ABCA13: variants seen among roughly 807,000 people sequenced by gnomAD.
ABCA13 encodes the protein ATP binding cassette subfamily A member 13.
Under a neutral mutation model 478.7 loss-of-function variants are expected in ABCA13, and 476 were observed. The observed-to-expected ratio is 0.99, with a 90% CI of 0.92 to 1.07. The LOEUF (loss-of-function observed/expected upper bound fraction) is 1.07, where lower values mean the gene tolerates loss of function less well. Among genes scored for constraint, ABCA13 ranks in the 50% least tolerant of loss-of-function variants. The pLI is 0.00. For missense variants in ABCA13, 6,060 were observed against 5,910.6 expected (o/e 1.03, Z -0.83); for synonymous variants, 2,252 against 2,158.9 (o/e 1.04, Z -1.20).
At chr7:48,632,827 G>C (rs181390720) in intron 59 of ABCA13, among the ~76,000 whole-genome samples, 8 of 152,132 alleles carry the variant, frequency 5.3e-5, no homozygotes, top group African/African-American at 1.9e-4. Context: ...TTTTCAAATC[G>C]TGTTTTCAAT....
At chr7:48,256,754 C>A (rs1373059728) in intron 15 of ABCA13, among the ~76,000 whole-genome samples, 1 of 152,102 alleles carries the variant, frequency 6.6e-6, no homozygotes, top group Non-Finnish European at 1.5e-5. Flanking sequence ...GTAATGTAAT[C>A]CCTACAGCAT....
intron 42 of ABCA13, among the ~76,000 whole-genome samples, chr7:48,442,916 T>C (rs1823822327): frequency 6.6e-6 from 1 of 152,352 alleles, no homozygotes; most frequent in South Asian, 2.1e-4. Context: ...CGGACTGAAC[T>C]GTGTTCCCTG....
chr7:48,524,888 G>C (rs1014733741), intron 54 of ABCA13, among the ~76,000 whole-genome samples: 5 of 152,118 alleles, frequency 3.3e-5, no homozygotes, highest in Non-Finnish European at 7.3e-5. Context: ...TTTGTTCACA[G>C]GTAAGACATT....
intron 27 of ABCA13, among the ~76,000 whole-genome samples, chr7:48,332,997 T>G (rs1440795486): frequency 5.9e-5 from 9 of 152,186 alleles, no homozygotes; most frequent in Non-Finnish European, 1.3e-4. Context: ...TTTTAGGAAG[T>G]TTTTCAGCCA....
At chr7:48,330,792 T>C (rs1805272492) in intron 27 of ABCA13, among the ~76,000 whole-genome samples, 1 of 152,220 alleles carries the variant, frequency 6.6e-6, no homozygotes, top group African/African-American at 2.4e-5. Flanking sequence ...TATACATTAA[T>C]CCATTTATTC....
chr7:48,643,166 A>G lies in ABCA13; in HGVS notation c.14838-122A>G, dbSNP rs1795220906. The G allele has an allele frequency of 2.5e-5, 16 of 637,652 alleles. 1 individual carries two copies. The South Asian group carries it at 3.9e-4, about 15-fold the overall frequency. The allele number at this position is 637,652 out of a possible 1,614,324, so 39.5% of individuals were successfully genotyped here. ...TTTCTGTGTCTTATATTGAGAATCC[A>G]AACTCCCAACAATTTGGAGTAATTA... On this transcript the variant is annotated intron_variant, in intron 59 of 61. Coordinates refer to ENST00000435803, the MANE Select transcript of ABCA13 (RefSeq NM_152701.5).
chr7:48,421,828 C>T (rs933041833), intron 41 of ABCA13, among the ~76,000 whole-genome samples: 4 of 152,050 alleles, frequency 2.6e-5, no homozygotes, highest in African/African-American at 9.7e-5. Context: ...ACACAGCATT[C>T]ATTTAGTGTT....
intron 3 of ABCA13, among the ~76,000 whole-genome samples, chr7:48,208,052 GTTC>G (rs1478193139): frequency 6.6e-6 from 1 of 151,994 alleles, no homozygotes; most frequent in Non-Finnish European, 1.5e-5. Flanking sequence ...TGAAGAGACT[GTTC>G]TTTCCTCATT....
At position 48,430,703 on chromosome 7, in the gene ABCA13, G is replaced by A. The variant is rs930158999; in HGVS notation, c.12565+2832G>A. 1.2e-4 allele frequency among the ~76,000 whole-genome samples: 18 copies of A among 144,918 alleles called. No homozygotes were observed. In the East Asian group the frequency reaches 3.3e-3, roughly 27 times the overall value. On this transcript the variant is annotated intron_variant, in intron 42 of 61. Coordinates refer to ENST00000435803, the MANE Select transcript of ABCA13 (RefSeq NM_152701.5). ...AAAAAAAAAAAAAGCCTGTAGTGATGTTTCACCTTTCATTTCCACTTCTAA... is the reference window on the plus strand; with the variant it reads ...AAAAAAAAAAAAAGCCTGTAGTGATATTTCACCTTTCATTTCCACTTCTAA...
chr7:48,347,138 A>G (rs996888976), intron 29 of ABCA13, among the ~76,000 whole-genome samples: 4 of 152,158 alleles, frequency 2.6e-5, no homozygotes, highest in African/African-American at 9.7e-5. Flanking sequence ...AGAACCTGAT[A>G]CCTCAATACT....
intron 38 of ABCA13, among the ~76,000 whole-genome samples, chr7:48,393,444 G>A (rs1028889839): frequency 2.6e-5 from 4 of 152,214 alleles, no homozygotes; most frequent in African/African-American, 9.7e-5. Context: ...AGGCAAGCAT[G>A]TAAGTATAAC....
chr7:48,632,136 T>C (rs1296268311), intron 59 of ABCA13, among the ~76,000 whole-genome samples: 1 of 152,242 alleles, frequency 6.6e-6, no homozygotes, highest in Non-Finnish European at 1.5e-5. Context: ...ACTTCCTCTT[T>C]TCTGATTTGA....
intron 53 of ABCA13, among the ~76,000 whole-genome samples, chr7:48,523,729 T>A (rs1832709950): frequency 6.6e-6 from 1 of 152,092 alleles, no homozygotes; most frequent in South Asian, 2.1e-4. Flanking sequence ...AGTTGAAAAT[T>A]AAATTTGCAT....
intron 58 of ABCA13, among the ~76,000 whole-genome samples, chr7:48,596,666 C>T (rs1159477352): frequency 6.6e-6 from 1 of 151,924 alleles, no homozygotes; most frequent in Admixed American, 6.6e-5. Context: ...GGCGTGGTGG[C>T]GGGCGCCTGT....
rs1323308196 is a variant in ABCA13 at position 48,394,554 on chromosome 7, C to T, written c.11873+2415C>T. ...ATTTACGACATTTATCATTTCATGA[C>T]AGCCTCTGTGTATTAGTCTTCTGTT... On this transcript the variant is annotated intron_variant, in intron 38 of 61. Coordinates refer to ENST00000435803, the MANE Select transcript of ABCA13 (RefSeq NM_152701.5). Among the ~76,000 whole-genome samples the T allele has an allele frequency of 2.0e-5, 3 of 152,206 alleles. 1 individual carries two copies. The highest frequency in any genetic ancestry group is 7.2e-5 in the African/African-American group (3 of 41,440).
At chr7:48,213,099 T>C (rs1785919178) in intron 3 of ABCA13, among the ~76,000 whole-genome samples, 1 of 152,188 alleles carries the variant, frequency 6.6e-6, no homozygotes, top group Admixed American at 6.5e-5. Flanking sequence ...TTTCTTTCTA[T>C]GGTGTGATGT....
intron 31 of ABCA13, among the ~76,000 whole-genome samples, chr7:48,364,147 G>C (rs1322933492): frequency 6.6e-6 from 1 of 152,076 alleles, no homozygotes; most frequent in Non-Finnish European, 1.5e-5. Flanking sequence ...CAGCTCAAAA[G>C]CTTACTTTTC....
At chr7:48,406,545 A>G (rs112929155) in intron 39 of ABCA13, among the ~76,000 whole-genome samples, 2,122 of 152,308 alleles carry the variant, frequency 0.014, 24 homozygotes, top group Middle Eastern at 0.065. Context: ...CAGAGAGAGA[A>G]ACAGTCAAAC....
At chr7:48,619,206 C>G (rs970885567) in intron 59 of ABCA13, among the ~76,000 whole-genome samples, 1 of 152,116 alleles carries the variant, frequency 6.6e-6, no homozygotes, top group African/African-American at 2.4e-5. Context: ...TAGTGAATTT[C>G]CAAACACTTT....
Sources: gnomAD v4.1 joint callset for allele counts (sites outside exome capture counted in the v4.1 genomes callset) on GRCh38, gnomAD v4.1.1 for gene constraint, MANE v1.5 for transcripts, NCBI Gene and HGNC (gene_info 2026-07-23, HGNC 2026-07-21) for gene names.